Variants in EGFLAM observed in about 807,000 individuals in gnomAD.
The protein encoded by EGFLAM is EGF like, fibronectin type III and laminin G domains, also known as pikachurin.
EGFLAM carries 79 observed loss-of-function variants against 113.1 expected under a neutral mutation model. The observed-to-expected ratio is 0.70, with a 90% CI of 0.58 to 0.84. EGFLAM has a LOEUF of 0.84. EGFLAM is among the 40% of genes least tolerant of loss of function. The probability of loss-of-function intolerance (pLI) is 0.00; values close to 1 mark genes in which losing one functional copy is unlikely to be tolerated. For missense variants in EGFLAM, 1,265 were observed against 1,291.6 expected (o/e 0.98, Z 0.32); for synonymous variants, 504 against 487.6 (o/e 1.03, Z -0.44).
intron 17 of EGFLAM, among the ~76,000 whole-genome samples, chr5:38,446,856 T>G (rs529676196): frequency 1.3e-5 from 2 of 150,080 alleles, no homozygotes; most frequent in African/African-American, 4.9e-5. Context: ...GCTCTTTTTT[T>G]ATGTTTGAAG....
At chr5:38,294,969 G>T (rs1758418963) in intron 1 of EGFLAM, among the ~76,000 whole-genome samples, 1 of 152,114 alleles carries the variant, frequency 6.6e-6, no homozygotes, top group Non-Finnish European at 1.5e-5. Flanking sequence ...GGGATTACAG[G>T]CATACATGCC....
intron 17 of EGFLAM, among the ~76,000 whole-genome samples, chr5:38,447,710 C>T (rs542150445): frequency 1.1e-4 from 17 of 149,542 alleles, no homozygotes; most frequent in African/African-American, 4.2e-4. Flanking sequence ...GAGCCAAGAT[C>T]GCGCCATTTC....
chr5:38,309,929 G>A (rs1738380413), intron 1 of EGFLAM, among the ~76,000 whole-genome samples: 1 of 152,196 alleles, frequency 6.6e-6, no homozygotes, highest in Non-Finnish European at 1.5e-5. Context: ...GCCACTGCTA[G>A]TGTAATGCCA....
intron 6 of EGFLAM, among the ~76,000 whole-genome samples, chr5:38,400,865 A>T (rs1741092794): frequency 6.6e-6 from 1 of 152,120 alleles, no homozygotes; most frequent in African/African-American, 2.4e-5. Context: ...CCTCTGTAAA[A>T]TGGGCTTGTT....
rs1373358329 is a variant in EGFLAM at position 38,398,575 on chromosome 5, T to C, written c.713-7551T>C. On this transcript the variant is annotated intron_variant, in intron 6 of 21. Coordinates refer to ENST00000322350, the MANE Select transcript of EGFLAM (RefSeq NM_152403.4). ...GATGGGCAGTGAGGGATAAGATTTC[T>C]AAGCATAGAGAACAGCATTTGCAAA... is the stretch of plus-strand genomic sequence containing the variant. 2.0e-5 allele frequency among the ~76,000 whole-genome samples: 3 copies of C among 152,210 alleles called. No homozygotes were observed. In the East Asian group the frequency reaches 5.8e-4, roughly 29 times the overall value.
chr5:38,299,205 A>G (rs1167377356), intron 1 of EGFLAM, among the ~76,000 whole-genome samples: 1 of 152,198 alleles, frequency 6.6e-6, no homozygotes, highest in East Asian at 1.9e-4. Flanking sequence ...TTATTGTGTA[A>G]CACACAAGGA....
intron 1 of EGFLAM, among the ~76,000 whole-genome samples, chr5:38,301,709 AG>A: frequency 6.6e-6 from 1 of 152,222 alleles, no homozygotes; most frequent in East Asian, 1.9e-4. Flanking sequence ...TGGAGCTTGA[AG>A]GGGGGTAGGG....
intron 1 of EGFLAM, among the ~76,000 whole-genome samples, chr5:38,273,695 C>T (rs945962336): frequency 2.6e-5 from 4 of 152,202 alleles, no homozygotes; most frequent in Non-Finnish European, 5.9e-5. Context: ...TGACAACCTG[C>T]CCAAAATCTC....
intron 1 of EGFLAM, among the ~76,000 whole-genome samples, chr5:38,299,864 G>C (rs1198900831): frequency 6.6e-6 from 1 of 152,100 alleles, no homozygotes; most frequent in Non-Finnish European, 1.5e-5. Context: ...TGTATTTATT[G>C]AGCATGTATT....
rs760289723 is a variant in EGFLAM at position 38,427,266 on chromosome 5, A to G, written c.2054+14A>G. On this transcript the variant is annotated intron_variant, in intron 14 of 21. Transcript: ENST00000322350. Reference sequence around the variant, plus strand: ...CGGTGTCCTCAGGTGAGGGCTGAAAACTTCTGGGACTCTTTCCCTTAAAAA... The same window carrying G: ...CGGTGTCCTCAGGTGAGGGCTGAAAGCTTCTGGGACTCTTTCCCTTAAAAA... 22 of 1,606,530 alleles carry G rather than the reference A, an allele frequency of 1.4e-5. No individual in the cohort carries two copies. The highest frequency in any genetic ancestry group is 1.9e-5 in the Non-Finnish European group (22 of 1,176,820).
chr5:38,321,248 C>T (rs781644105), intron 1 of EGFLAM, among the ~76,000 whole-genome samples: 5 of 152,078 alleles, frequency 3.3e-5, no homozygotes, highest in African/African-American at 9.7e-5. Flanking sequence ...TCCTTACATG[C>T]ACAGTTCACA....
At chr5:38,360,528 C>G (rs1225992258) in intron 5 of EGFLAM, among the ~76,000 whole-genome samples, 2 of 152,192 alleles carry the variant, frequency 1.3e-5, no homozygotes, top group African/African-American at 4.8e-5. Flanking sequence ...CACACAGGCT[C>G]TGGGCTGGAC....
chr5:38,458,424 CCAGAGCTGAG>C, intron 20 of EGFLAM, 30 bp downstream of exon 20: 3 of 1,608,154 alleles, frequency 1.9e-6, no homozygotes, highest in Non-Finnish European at 2.6e-6. Context: ...TGAGGCAGAG[CCAGAGCTGAG>C]CAGTGGTGGG....
At chr5:38,297,037 A>C (rs961064380) in intron 1 of EGFLAM, among the ~76,000 whole-genome samples, 2 of 152,226 alleles carry the variant, frequency 1.3e-5, no homozygotes, top group Non-Finnish European at 2.9e-5. Context: ...ACGACAACGA[A>C]AAATTTAGGA....
chr5:38,412,628 C>T lies in EGFLAM; in HGVS notation c.1474C>T (p.Pro492Ser). The T allele has an allele frequency of 6.2e-7, 1 of 1,614,082 alleles. No homozygotes were observed. The highest frequency in any genetic ancestry group is 8.5e-7 in the Non-Finnish European group (1 of 1,180,016). Residue 492 changes from proline to serine, a missense_variant, in exon 11 of 22, where the codon CCA becomes TCA. By Grantham distance (74) the Pro-to-Ser change is moderately conservative. Coordinates refer to ENST00000322350, the MANE Select transcript of EGFLAM (RefSeq NM_152403.4). ...GCTGCTGCAGCTGAACAATGGCACCCCAGTGACAGGCCAGTCTCAGGTATG... is the reference window on the plus strand; with the variant it reads ...GCTGCTGCAGCTGAACAATGGCACCTCAGTGACAGGCCAGTCTCAGGTATG... ...NGLLQLNNGTPVTGQSQGQYS... is the reference protein window; with the variant it reads ...NGLLQLNNGTSVTGQSQGQYS...
chr5:38,457,272 C>G (rs1269283610), intron 19 of EGFLAM, among the ~76,000 whole-genome samples: 2 of 152,154 alleles, frequency 1.3e-5, no homozygotes, highest in Non-Finnish European at 2.9e-5. Context: ...TCTTAGGGCT[C>G]TGATAATACA....
intron 18 of EGFLAM, among the ~76,000 whole-genome samples, chr5:38,449,251 G>A (rs750859208): frequency 1.2e-4 from 19 of 152,180 alleles, no homozygotes; most frequent in Non-Finnish European, 2.6e-4. Flanking sequence ...AAGGCATCCA[G>A]TTCTTAGGGT....
Position 38,370,288 on chromosome 5 carries a change from C to G in EGFLAM, c.546-8C>G, listed in dbSNP as rs372924970. 60 of 1,609,678 alleles carry G rather than the reference C, an allele frequency of 3.7e-5. No homozygotes were observed. Among genetic ancestry groups the G allele is most frequent in the Non-Finnish European group, 4.8e-5 (56 of 1,176,788 alleles). On this transcript the variant is annotated splice_polypyrimidine_tract_variant and splice_region_variant and intron_variant, in intron 5 of 21. Coordinates refer to ENST00000322350, the MANE Select transcript of EGFLAM (RefSeq NM_152403.4). ...CTACTGCTTCTTCTGTTTTTCTAAT[C>G]AATAAAGGCCAGATTTCGACAAGAA...
chr5:38,304,395 G>A (rs1233032882), intron 1 of EGFLAM, among the ~76,000 whole-genome samples: 2 of 152,158 alleles, frequency 1.3e-5, no homozygotes, highest in Non-Finnish European at 2.9e-5. Context: ...CAAAAGGTCT[G>A]TGAACAGGGG....
Sources: allele counts gnomAD v4.1 joint callset (sites outside exome capture counted in the v4.1 genomes callset), GRCh38; gene constraint gnomAD v4.1.1; transcripts MANE v1.5; gene names NCBI Gene and HGNC (gene_info 2026-07-23, HGNC 2026-07-21).